OPCML: variants seen among roughly 807,000 people sequenced by gnomAD.
OPCML encodes opioid-binding protein/cell adhesion molecule.
Under a neutral mutation model 37.8 loss-of-function variants are expected in OPCML, and 13 were observed. That is an observed-to-expected ratio of 0.34 (90% CI 0.22 to 0.55). The LOEUF (loss-of-function observed/expected upper bound fraction) is 0.55, where lower values mean the gene tolerates loss of function less well. Among genes scored for constraint, OPCML ranks in the 20% least tolerant of loss-of-function variants. The probability of loss-of-function intolerance (pLI) is 0.91; values close to 1 mark genes in which losing one functional copy is unlikely to be tolerated. For missense variants in OPCML, 341 were observed against 435.6 expected (o/e 0.78, Z 1.93); for synonymous variants, 176 against 168.8 (o/e 1.04, Z -0.33).
At chr11:133,142,790 T>C (rs1056956925) in intron 1 of OPCML, among the ~76,000 whole-genome samples, 19 of 152,196 alleles carry the variant, frequency 1.2e-4, no homozygotes, top group African/African-American at 4.3e-4. Context: ...GGAATTCTGA[T>C]GACTTCAGGC....
intron 2 of OPCML, among the ~76,000 whole-genome samples, chr11:132,786,710 C>T (rs181293211): frequency 1.3e-5 from 2 of 152,268 alleles, no homozygotes; most frequent in African/African-American, 4.8e-5. Context: ...AAAAAAAAAT[C>T]TAGTCACCAG....
chr11:133,337,076 CA>C (rs1293365912), intron 1 of OPCML, among the ~76,000 whole-genome samples: 1 of 152,202 alleles, frequency 6.6e-6, no homozygotes, highest in Non-Finnish European at 1.5e-5. Flanking sequence ...GAGAAGCGCG[CA>C]ACCCCTCATG....
chr11:132,704,487 C>T (rs1264177224), intron 2 of OPCML, among the ~76,000 whole-genome samples: 1 of 151,928 alleles, frequency 6.6e-6, no homozygotes, highest in Non-Finnish European at 1.5e-5. Context: ...CCAGTGGGCA[C>T]TCCCAAAAAA....
chr11:133,314,593 C>G (rs1247303929), intron 1 of OPCML, among the ~76,000 whole-genome samples: 1 of 151,948 alleles, frequency 6.6e-6, no homozygotes, highest in Non-Finnish European at 1.5e-5. Context: ...AAAACACAGT[C>G]CACGCTGCCA....
chr11:133,197,104 A>G (rs1440439306), intron 1 of OPCML, among the ~76,000 whole-genome samples: 1 of 152,234 alleles, frequency 6.6e-6, no homozygotes, highest in Non-Finnish European at 1.5e-5. Flanking sequence ...CCAGTGGAAG[A>G]TAGAATCTAT....
intron 2 of OPCML, among the ~76,000 whole-genome samples, chr11:132,891,955 C>A (rs142617470): frequency 2.6e-5 from 3 of 113,748 alleles, no homozygotes; most frequent in African/African-American, 1.2e-4. Flanking sequence ...TATACCTGGG[C>A]TCCGTTCCCA....
chr11:133,193,386 T>C (rs1938403035), intron 1 of OPCML, among the ~76,000 whole-genome samples: 1 of 152,156 alleles, frequency 6.6e-6, no homozygotes, highest in African/African-American at 2.4e-5. Context: ...TTAGAAGGTA[T>C]CAAGCCAAAG....
intron 1 of OPCML, among the ~76,000 whole-genome samples, chr11:133,428,107 C>A (rs1946040530): frequency 6.6e-6 from 1 of 152,192 alleles, no homozygotes; most frequent in Non-Finnish European, 1.5e-5. Flanking sequence ...CTTTAAAAAA[C>A]CACCCACTGC....
chr11:132,821,853 G>A (rs1940006538), intron 2 of OPCML, among the ~76,000 whole-genome samples: 1 of 151,894 alleles, frequency 6.6e-6, no homozygotes, highest in Admixed American at 6.6e-5. Flanking sequence ...CATATGCATT[G>A]CACTCGGTTG....
intron 1 of OPCML, among the ~76,000 whole-genome samples, chr11:133,448,739 G>A (rs1043573630): frequency 6.6e-6 from 1 of 152,190 alleles, no homozygotes; most frequent in Non-Finnish European, 1.5e-5. Flanking sequence ...TTACAGGCAT[G>A]AGCCACCTCA....
At chr11:133,035,092 G>C (rs946667540) in intron 1 of OPCML, among the ~76,000 whole-genome samples, 2 of 152,164 alleles carry the variant, frequency 1.3e-5, no homozygotes, top group Non-Finnish European at 2.9e-5. Flanking sequence ...CCTTTAATAA[G>C]CATTATCCCT....
At chr11:132,971,484 C>T (rs1020045905) in intron 1 of OPCML, among the ~76,000 whole-genome samples, 4 of 152,198 alleles carry the variant, frequency 2.6e-5, no homozygotes, top group Non-Finnish European at 4.4e-5. Context: ...GCGTTCAGCC[C>T]CACCCCATTC....
At chr11:133,421,171 G>T in intron 1 of OPCML, 1 of 985,404 alleles carries the variant, frequency 1.0e-6, no homozygotes, top group Non-Finnish European at 1.2e-6. Flanking sequence ...TTAGTAAACT[G>T]TATAATGATA....
At chr11:133,510,573 G>A (rs1948133370) in intron 1 of OPCML, among the ~76,000 whole-genome samples, 1 of 152,184 alleles carries the variant, frequency 6.6e-6, no homozygotes, top group African/African-American at 2.4e-5. Flanking sequence ...AATGGAATCT[G>A]TACTTTAATA....
intron 3 of OPCML, among the ~76,000 whole-genome samples, chr11:132,656,684 C>A (rs147618603): frequency 6.6e-6 from 1 of 152,290 alleles, no homozygotes; most frequent in East Asian, 1.9e-4. Context: ...ACAGTCATGT[C>A]ACGTAGTTTC....
At chr11:133,287,937 G>T (rs1480935985) in intron 1 of OPCML, among the ~76,000 whole-genome samples, 4 of 152,192 alleles carry the variant, frequency 2.6e-5, no homozygotes, top group Middle Eastern at 3.2e-3. Flanking sequence ...CCGCACCACG[G>T]CAGTCTTCTT....
chr11:133,421,371 G>C, intron 1 of OPCML: 1 of 985,386 alleles, frequency 1.0e-6, no homozygotes, highest in Non-Finnish European at 1.2e-6. Context: ...TGGAGAACAG[G>C]GTGTCACTCG....
chr11:132,799,720 A>C (rs11822659), intron 2 of OPCML, among the ~76,000 whole-genome samples: 8,965 of 151,984 alleles, frequency 0.059, 656 homozygotes, highest in African/African-American at 0.18. Context: ...GGGTTGCCAC[A>C]GATCTTCTAC....
At chr11:133,456,544 C>G (rs1209241566) in intron 1 of OPCML, among the ~76,000 whole-genome samples, 7 of 151,334 alleles carry the variant, frequency 4.6e-5, no homozygotes, top group African/African-American at 1.5e-4. Flanking sequence ...ATAAAAGGAA[C>G]AAAATAATTT....
Sources: gnomAD v4.1 joint callset for allele counts (sites outside exome capture counted in the v4.1 genomes callset) on GRCh38, gnomAD v4.1.1 for gene constraint, MANE v1.5 for transcripts, NCBI Gene and HGNC (gene_info 2026-07-23, HGNC 2026-07-21) for gene names.